Variants in HEATR4 observed in about 807,000 individuals in gnomAD.
HEATR4 encodes the protein HEAT repeat-containing protein 4.
In HEATR4, 95 loss-of-function variants were observed where a neutral mutation model predicts 108.8. The ratio of observed to expected loss-of-function variants is 0.87; its 90% confidence interval spans 0.74 to 1.04. HEATR4 has a LOEUF of 1.04. Ranked by LOEUF, HEATR4 falls within the 50% of genes least tolerant of loss-of-function variation. HEATR4 has a pLI of 0.00. For missense variants in HEATR4, 1,152 were observed against 1,253.8 expected (o/e 0.92, Z 1.23); for synonymous variants, 443 against 459.4 (o/e 0.96, Z 0.46).
the HEATR4 span, chr14:73,569,753 G>C: frequency 1.2e-6 from 2 of 1,609,056 alleles, no homozygotes; most frequent in Non-Finnish European, 1.7e-6. Context: ...TGGAGGTGCT[G>C]GATGGCCACG....
chr14:73,489,001 G>T (rs138438029), intron 17 of HEATR4, among the ~76,000 whole-genome samples: 2,697 of 151,768 alleles, frequency 0.018, 41 homozygotes, highest in Non-Finnish European at 0.027. Context: ...CAGAGGTTGG[G>T]GTAACACAGC....
At position 73,489,924 on chromosome 14, in the gene HEATR4, A is replaced by G. The variant is rs561558979; in HGVS notation, c.2844+3142T>C. Among the ~76,000 whole-genome samples the G allele has an allele frequency of 3.9e-5, 6 of 152,352 alleles. No individual in the cohort carries two copies. In the South Asian group the frequency reaches 1.2e-3, roughly 32 times the overall value. Reference sequence around the variant, plus strand: ...CTTCAATCAGTGAATTCATCTGCAGAGCAGAAGTTTCTGCGGAACTCAAAC... The same window carrying G: ...CTTCAATCAGTGAATTCATCTGCAGGGCAGAAGTTTCTGCGGAACTCAAAC... On this transcript the variant is annotated intron_variant, in intron 17 of 17. Transcript: ENST00000553558.
chr14:73,506,808 T>TTTTTTTTTTTTTGTTTTTTG, intron 9 of HEATR4, among the ~76,000 whole-genome samples: 1 of 111,462 alleles, frequency 9.0e-6, no homozygotes, highest in East Asian at 2.5e-4. Context: ...TTAACTGTTT[T>TTTTTTTTTTTTTGTTTTTTG]TTTTTTTTTT....
the HEATR4 span, chr14:73,619,918 TC>T: frequency 1.6e-6 from 2 of 1,261,018 alleles, no homozygotes; most frequent in Non-Finnish European, 2.1e-6. Flanking sequence ...CTTTCTTTTC[TC>T]TTTTTTTTTT....
intron 17 of HEATR4, among the ~76,000 whole-genome samples, chr14:73,484,645 G>A (rs534505246): frequency 6.6e-6 from 1 of 152,040 alleles, no homozygotes. Flanking sequence ...CTCCCAAAGT[G>A]CTGGGATTAC....
the HEATR4 span, among the ~76,000 whole-genome samples, chr14:73,615,656 G>T: frequency 2.6e-5 from 4 of 151,760 alleles, no homozygotes; most frequent in African/African-American, 9.7e-5. Flanking sequence ...CTTGAACCCG[G>T]GGGGAGACGG....
the HEATR4 span, among the ~76,000 whole-genome samples, chr14:73,579,364 C>A: frequency 6.8e-6 from 1 of 146,894 alleles, no homozygotes; most frequent in African/African-American, 2.5e-5. Context: ...ATCATGAGGT[C>A]GGGAGTCTGA....
the HEATR4 span, among the ~76,000 whole-genome samples, chr14:73,572,648 T>A: frequency 1.9e-5 from 1 of 53,162 alleles, no homozygotes; most frequent in Non-Finnish European, 2.8e-5. Flanking sequence ...CATTTTTTTT[T>A]TTTTTTTTTT....
chr14:73,567,460 A>G, the HEATR4 span, among the ~76,000 whole-genome samples: 1 of 152,026 alleles, frequency 6.6e-6, no homozygotes, highest in Non-Finnish European at 1.5e-5. Context: ...AAACGCACCA[A>G]TCAGCACTGG....
At chr14:73,524,310 A>AAAAAAAAATATATATATATAT in intron 2 of HEATR4, among the ~76,000 whole-genome samples, 4 of 54,772 alleles carry the variant, frequency 7.3e-5, no homozygotes, top group African/African-American at 2.6e-4. Flanking sequence ...AAAAAAAAAA[A>AAAAAAAAATATATATATATAT]ATATATATAT....
At chr14:73,593,899 C>G in the HEATR4 span, 1 of 1,610,536 alleles carries the variant, frequency 6.2e-7, no homozygotes, top group Non-Finnish European at 8.5e-7. Flanking sequence ...GCTTCAACAT[C>G]CCCAGGTTCT....
At chr14:73,560,445 G>A (rs1337390726), upstream of HEATR4, among the ~76,000 whole-genome samples, 1 of 151,932 alleles carries the variant, frequency 6.6e-6, no homozygotes, top group Non-Finnish European at 1.5e-5. Flanking sequence ...GGCGGATCAC[G>A]AGGTCAGGAG....
At chr14:73,512,752 A>G (rs908358831) in intron 6 of HEATR4, among the ~76,000 whole-genome samples, 1 of 152,172 alleles carries the variant, frequency 6.6e-6, no homozygotes, top group African/African-American at 2.4e-5. Context: ...TAGTTGCTAA[A>G]TACTCTTTTG....
At chr14:73,609,709 C>T in the HEATR4 span, among the ~76,000 whole-genome samples, 90 of 152,154 alleles carry the variant, frequency 5.9e-4, 1 homozygote, top group South Asian at 0.011. Flanking sequence ...GGTGCGATCT[C>T]GGCTCACCAC....
At chr14:73,570,435 A>G in the HEATR4 span, among the ~76,000 whole-genome samples, 19 of 151,880 alleles carry the variant, frequency 1.3e-4, no homozygotes, top group Non-Finnish European at 2.4e-4. Flanking sequence ...TGGGCGTAGT[A>G]GCGGGCGCCT....
Position 73,518,247 on chromosome 14 carries a change from C to A in HEATR4, c.1210+776G>T, listed in dbSNP as rs114430895. ...GCAAAGGCACAACTAGCAGGCCAGG[C>A]AACCCTGTCAGCCAGGTGTGGAGGC... is the stretch of plus-strand genomic sequence containing the variant. On this transcript the variant is annotated intron_variant, in intron 5 of 17. Transcript: ENST00000553558. 2.7e-3 allele frequency among the ~76,000 whole-genome samples: 404 copies of A among 152,084 alleles called. 1 individual carries two copies. The highest frequency in any genetic ancestry group is 8.4e-3 in the African/African-American group (347 of 41,492).
chr14:73,541,844 T>C, intron 1 of HEATR4: 1 of 586,862 alleles, frequency 1.7e-6, no homozygotes. Context: ...AGACAGTTTC[T>C]TTCTTTCTTC....
chr14:73,569,256 C>T, the HEATR4 span: 358 of 1,613,718 alleles, frequency 2.2e-4, 2 homozygotes, highest in East Asian at 3.9e-3. Flanking sequence ...TAACAAGCTT[C>T]TTTCTCCCCA....
chr14:73,500,775 G>C, intron 11 of HEATR4, 45 bp from the exon 12 acceptor site: 1 of 1,579,042 alleles, frequency 6.3e-7, no homozygotes, highest in Non-Finnish European at 8.7e-7. Context: ...TAAACTTTCA[G>C]TACCTAACCC....
Sources: allele counts gnomAD v4.1 joint callset (sites outside exome capture counted in the v4.1 genomes callset), GRCh38; gene constraint gnomAD v4.1.1; transcripts MANE v1.5; gene names NCBI Gene and HGNC (gene_info 2026-07-23, HGNC 2026-07-21).